Variants in LEKR1 observed in about 807,000 individuals in gnomAD.
LEKR1 encodes the protein protein LEKR1.
Under a neutral mutation model 72.4 loss-of-function variants are expected in LEKR1, and 59 were observed. The observed-to-expected ratio is 0.82, with a 90% CI of 0.66 to 1.01. The LOEUF (loss-of-function observed/expected upper bound fraction) is 1.01, where lower values mean the gene tolerates loss of function less well. LEKR1 is among the 50% of genes least tolerant of loss of function. The pLI, the probability that LEKR1 is intolerant of heterozygous loss-of-function variation, is 0.00. For synonymous variants in LEKR1, 257 were observed against 263.2 expected, an observed-to-expected ratio of 0.98 and a Z score of 0.23; for missense variants, 728 against 759.2, an observed-to-expected ratio of 0.96 and a Z score of 0.48.
intron 6 of LEKR1, among the ~76,000 whole-genome samples, chr3:156,972,960 G>T (rs527853960): frequency 3.3e-5 from 5 of 151,988 alleles, no homozygotes; most frequent in Non-Finnish European, 5.9e-5. Flanking sequence ...TAACTAGTGT[G>T]AAACCTAGCT....
chr3:156,895,082 T>A (rs1450476584), intron 3 of LEKR1, among the ~76,000 whole-genome samples: 2 of 152,178 alleles, frequency 1.3e-5, no homozygotes, highest in Non-Finnish European at 2.9e-5. Flanking sequence ...TGAACTATCA[T>A]CACAGTGAAC....
intron 3 of LEKR1, among the ~76,000 whole-genome samples, chr3:156,870,721 G>T (rs1443293996): frequency 6.6e-6 from 1 of 152,022 alleles, no homozygotes; most frequent in Non-Finnish European, 1.5e-5. Flanking sequence ...AGTGGAATAG[G>T]AGTAGTGAAA....
chr3:156,945,830 C>A (rs1247819148), intron 6 of LEKR1, among the ~76,000 whole-genome samples: 1 of 151,574 alleles, frequency 6.6e-6, no homozygotes, highest in South Asian at 2.1e-4. Flanking sequence ...TATGTCAGCA[C>A]CCAGTTGTTT....
intron 2 of LEKR1, among the ~76,000 whole-genome samples, chr3:156,838,851 C>G (rs1713511843): frequency 2.0e-5 from 3 of 152,100 alleles, no homozygotes; most frequent in African/African-American, 4.8e-5. Context: ...TTATAATAGC[C>G]CGATGGGTTC....
chr3:156,895,326 A>G (rs889548293), intron 3 of LEKR1, among the ~76,000 whole-genome samples: 32 of 152,190 alleles, frequency 2.1e-4, no homozygotes, highest in African/African-American at 7.0e-4. Flanking sequence ...AATCAAAACC[A>G]CAATGAGGCT....
intron 3 of LEKR1, among the ~76,000 whole-genome samples, chr3:156,876,759 A>G (rs1169274036): frequency 6.6e-6 from 1 of 152,236 alleles, no homozygotes; most frequent in Non-Finnish European, 1.5e-5. Context: ...CAATCATATC[A>G]TCAGCATACA....
In LEKR1 at chr3:157,024,800, T is replaced by C; in HGVS notation, c.1244T>C (p.Val415Ala). The change falls in exon 11 of 13, where the codon GTT becomes GCT. Residue 415 changes from valine to alanine, a missense_variant. Coordinates refer to ENST00000356539, the MANE Select transcript of LEKR1 (RefSeq NM_001004316.3). ...GCCAAGGAAAGGGCCCAACACTTGG[T>C]TGAATTTGAAGAGCAAGCTCTTCTC... is the stretch of plus-strand genomic sequence containing the variant. ...ELAKERAQHLVEFEEQALLFK... is the reference protein window; with the variant it reads ...ELAKERAQHLAEFEEQALLFK... 6.2e-7 allele frequency: 1 copy of C among 1,611,004 alleles called. No individual in the cohort carries two copies. Among genetic ancestry groups the C allele is most frequent in the Non-Finnish European group, 8.5e-7 (1 of 1,179,140 alleles).
At chr3:156,871,062 C>T (rs1576703013) in intron 3 of LEKR1, among the ~76,000 whole-genome samples, 2 of 151,998 alleles carry the variant, frequency 1.3e-5, no homozygotes, top group South Asian at 4.1e-4. Flanking sequence ...CCCACTAACA[C>T]GTCATCTGGC....
At chr3:156,915,196 A>G (rs1723512262) in intron 3 of LEKR1, among the ~76,000 whole-genome samples, 1 of 152,128 alleles carries the variant, frequency 6.6e-6, no homozygotes. Context: ...GATATTGTGA[A>G]TAGTGCTGCA....
intron 9 of LEKR1, among the ~76,000 whole-genome samples, chr3:156,999,658 G>A (rs1249645499): frequency 6.6e-6 from 1 of 152,150 alleles, no homozygotes; most frequent in Non-Finnish European, 1.5e-5. Flanking sequence ...GCATAAGTTT[G>A]CCATCTCTCC....
At chr3:157,037,673 C>G (rs771427635) in intron 12 of LEKR1, among the ~76,000 whole-genome samples, 1 of 152,182 alleles carries the variant, frequency 6.6e-6, no homozygotes, top group Non-Finnish European at 1.5e-5. Context: ...TGTGTGCCTA[C>G]TGCAGTTGCT....
chr3:156,914,404 A>G (rs563578370), intron 3 of LEKR1, among the ~76,000 whole-genome samples: 3 of 152,300 alleles, frequency 2.0e-5, no homozygotes, highest in South Asian at 2.1e-4. Context: ...ATGAGTGAGA[A>G]CATGAGGTGT....
chr3:156,993,543 GA>G (rs549549285), intron 9 of LEKR1, among the ~76,000 whole-genome samples: 156 of 140,726 alleles, frequency 1.1e-3, no homozygotes, highest in Middle Eastern at 3.6e-3. Flanking sequence ...AATTCTTCTT[GA>G]AAAAAAAAAA....
chr3:157,041,788 A>C (rs1487660949), intron 12 of LEKR1, among the ~76,000 whole-genome samples: 8 of 152,164 alleles, frequency 5.3e-5, no homozygotes, highest in Admixed American at 5.2e-4. Context: ...CTTACTGAAC[A>C]TATTTCATCT....
chr3:156,985,703 C>T (rs935858349), intron 7 of LEKR1, among the ~76,000 whole-genome samples: 8 of 151,924 alleles, frequency 5.3e-5, no homozygotes, highest in African/African-American at 1.7e-4. Context: ...GGTGTAATGG[C>T]ACACACCTGT....
chr3:156,885,201 A>G (rs993111798), intron 3 of LEKR1, among the ~76,000 whole-genome samples: 2 of 151,954 alleles, frequency 1.3e-5, no homozygotes, highest in African/African-American at 4.8e-5. Context: ...TTTTTAAAAA[A>G]TTTCTTTGTG....
chr3:157,042,408 G>A (rs1314271220), intron 12 of LEKR1, among the ~76,000 whole-genome samples: 5 of 152,180 alleles, frequency 3.3e-5, no homozygotes, highest in African/African-American at 1.2e-4. Flanking sequence ...GTCAGTGTTG[G>A]TGGAAACTAT....
At chr3:156,843,170 A>C (rs1420343960) in intron 2 of LEKR1, among the ~76,000 whole-genome samples, 2 of 152,248 alleles carry the variant, frequency 1.3e-5, no homozygotes, top group Non-Finnish European at 2.9e-5. Context: ...ATTTAAGACT[A>C]AAACAACACT....
chr3:156,881,526 C>T (rs1237847013), intron 3 of LEKR1, among the ~76,000 whole-genome samples: 1 of 151,412 alleles, frequency 6.6e-6, no homozygotes, highest in East Asian at 1.9e-4. Flanking sequence ...GAAGAACATT[C>T]CATGCTCATG....
Sources: gnomAD v4.1 joint callset for allele counts (sites outside exome capture counted in the v4.1 genomes callset) on GRCh38, gnomAD v4.1.1 for gene constraint, MANE v1.5 for transcripts, NCBI Gene and HGNC (gene_info 2026-07-23, HGNC 2026-07-21) for gene names.